Variants in LEPR observed in about 807,000 individuals in gnomAD.
LEPR encodes the protein OB receptor.
In LEPR, 56 loss-of-function variants were observed where a neutral mutation model predicts 114.7. That is an observed-to-expected ratio of 0.49 (90% CI 0.39 to 0.61). The LOEUF (loss-of-function observed/expected upper bound fraction) is 0.61. Among genes scored for constraint, LEPR ranks in the 20% least tolerant of loss-of-function variants. The pLI is 0.00. For missense variants in LEPR, 1,202 were observed against 1,352.9 expected, an observed-to-expected ratio of 0.89 and a Z score of 1.75; for synonymous variants, 443 against 461.4, an observed-to-expected ratio of 0.96 and a Z score of 0.51.
chr1:65,420,882 C>A (rs1646232901), intron 1 of LEPR, 142 bp downstream of exon 1: 8 of 1,082,178 alleles, frequency 7.4e-6, no homozygotes, highest in Non-Finnish European at 1.1e-5. Context: ...AGGCGATCGA[C>A]CGCTCCCTTC....
chr1:65,522,606 G>A (rs1339555859), intron 2 of LEPR, among the ~76,000 whole-genome samples: 1 of 152,104 alleles, frequency 6.6e-6, no homozygotes, highest in Non-Finnish European at 1.5e-5. Context: ...AAGAAGTGGC[G>A]TATCAATATT....
At chr1:65,552,299 A>G (rs1453167530) in intron 2 of LEPR, among the ~76,000 whole-genome samples, 1 of 152,194 alleles carries the variant, frequency 6.6e-6, no homozygotes, top group Non-Finnish European at 1.5e-5. Flanking sequence ...TAACATTGAC[A>G]GTGGGGTGCT....
intron 2 of LEPR, among the ~76,000 whole-genome samples, chr1:65,557,907 G>A (rs1368363894): frequency 2.0e-5 from 3 of 152,068 alleles, no homozygotes; most frequent in Admixed American, 6.6e-5. Context: ...CTGATTCCAC[G>A]AATCCAAACC....
rs150025527 is a variant in LEPR at position 65,582,531 on chromosome 1, A to G, written c.494+10082A>G. 2.0e-4 allele frequency among the ~76,000 whole-genome samples: 30 copies of G among 152,320 alleles called. No individual in the cohort carries two copies. In the East Asian group the frequency reaches 4.8e-3, roughly 24 times the overall value. ...CAGCTGGCTTTCCTGAGAGTGAGCC[A>G]GAGAGACTCACTGATGATCTTGCTT... On this transcript the variant is annotated intron_variant, in intron 5 of 19. Transcript: ENST00000349533.
intron 2 of LEPR, chr1:65,429,734 A>C: frequency 1.3e-6 from 1 of 775,156 alleles, no homozygotes; most frequent in Non-Finnish European, 1.9e-6. Context: ...ATGTTCTAAT[A>C]TTCACAATTA....
At chr1:65,450,811 C>T (rs1389244334) in intron 2 of LEPR, among the ~76,000 whole-genome samples, 4 of 152,026 alleles carry the variant, frequency 2.6e-5, no homozygotes, top group African/African-American at 9.6e-5. Context: ...ATGGCTGGGT[C>T]AAATGATATT....
At chr1:65,434,278 A>G (rs1241062890) in intron 2 of LEPR, 2 of 983,492 alleles carry the variant, frequency 2.0e-6, no homozygotes, top group Admixed American at 6.1e-5. Flanking sequence ...AAGTTTGATC[A>G]TGGTGACACA....
intron 11 of LEPR, among the ~76,000 whole-genome samples, chr1:65,606,378 C>T (rs529543365): frequency 7.2e-5 from 11 of 152,162 alleles, no homozygotes; most frequent in Admixed American, 7.2e-4. Flanking sequence ...ACTTGAATAA[C>T]CTATGGTGTT....
intron 2 of LEPR, among the ~76,000 whole-genome samples, chr1:65,488,567 G>A (rs147406470): frequency 3.3e-5 from 5 of 151,344 alleles, no homozygotes; most frequent in East Asian, 1.9e-4. Flanking sequence ...GAGCTCAAGC[G>A]GTCTGCTTGC....
At chr1:65,573,181 G>A (rs1227564870) in intron 5 of LEPR, among the ~76,000 whole-genome samples, 2 of 152,194 alleles carry the variant, frequency 1.3e-5, no homozygotes, top group Non-Finnish European at 2.9e-5. Flanking sequence ...CCCATGTTAT[G>A]GCTACATGGC....
At chr1:65,504,442 T>A (rs1258891287) in intron 2 of LEPR, among the ~76,000 whole-genome samples, 25 of 152,224 alleles carry the variant, frequency 1.6e-4, no homozygotes, top group Admixed American at 1.4e-3. Flanking sequence ...ATGTTGATAG[T>A]ATGTACTCTT....
At chr1:65,575,414 C>T (rs1314363678) in intron 5 of LEPR, among the ~76,000 whole-genome samples, 1 of 151,106 alleles carries the variant, frequency 6.6e-6, no homozygotes, top group Non-Finnish European at 1.5e-5. Flanking sequence ...CTACAACTTC[C>T]TTATAACTTC....
In LEPR at chr1:65,564,565, C is replaced by G. The variant is rs1451182613; in HGVS notation, c.-20-981C>G. Among the ~76,000 whole-genome samples the G allele has an allele frequency of 2.2e-5, 2 of 91,796 alleles. 1 individual carries two copies. The highest frequency in any genetic ancestry group is 9.0e-5 in the African/African-American group (2 of 22,264). The allele number at this position is 91,796 out of a possible 152,430, so 60.2% of individuals were successfully genotyped here. The stretch of plus-strand genomic sequence containing the variant: ...ACCGGAGCTGTTCCTATTCGGCCAT[C>G]TTGGCTCCTCCGTGAATCCGTTTCT... On this transcript the variant is annotated intron_variant, in intron 2 of 19. Coordinates refer to ENST00000349533, the MANE Select transcript of LEPR (RefSeq NM_002303.6).
At position 65,598,689 on chromosome 1, in the gene LEPR, G is replaced by C; in HGVS notation, c.879G>C (p.Leu293=). The C allele has an allele frequency of 6.2e-7, 1 of 1,613,398 alleles. No homozygotes were observed. The highest frequency in any genetic ancestry group is 8.5e-7 in the Non-Finnish European group (1 of 1,179,638). The stretch of plus-strand genomic sequence containing the variant: ...ACAAGATTGTCTCAGCTACATCCCT[G>C]CTAGTAGACAGTATACTTCCTGGGT... ...EADKIVSATS[L]LVDSILPGSS... is the part of the protein sequence containing the mutation. The change falls in exon 8 of 20, where the codon CTG becomes CTC. Residue 293 remains leucine, a synonymous_variant. Coordinates refer to ENST00000349533, the MANE Select transcript of LEPR (RefSeq NM_002303.6).
chr1:65,472,163 A>G (rs1647092187), intron 2 of LEPR, among the ~76,000 whole-genome samples: 1 of 152,082 alleles, frequency 6.6e-6, no homozygotes, highest in South Asian at 2.1e-4. Flanking sequence ...AACATCATGT[A>G]TCTAGAAGGT....
intron 3 of LEPR, among the ~76,000 whole-genome samples, chr1:65,566,256 G>A (rs72681384): frequency 0.22 from 31,710 of 142,064 alleles, 3,662 homozygotes; most frequent in South Asian, 0.29. Context: ...AGACTGGAGT[G>A]CAGTGGCATG....
intron 2 of LEPR, among the ~76,000 whole-genome samples, chr1:65,512,133 T>G (rs927130068): frequency 2.0e-5 from 3 of 152,002 alleles, no homozygotes; most frequent in African/African-American, 7.3e-5. Flanking sequence ...TTGTGAGAAC[T>G]CACTCATTAC....
chr1:65,543,147 C>T (rs1295335696), intron 2 of LEPR, among the ~76,000 whole-genome samples: 5 of 151,920 alleles, frequency 3.3e-5, no homozygotes, highest in East Asian at 3.8e-4. Context: ...TTTTAATGAT[C>T]GCCATTCTAA....
chr1:65,590,454 G>A (rs1476538463), intron 5 of LEPR, among the ~76,000 whole-genome samples: 2 of 151,128 alleles, frequency 1.3e-5, no homozygotes, highest in African/African-American at 4.9e-5. Flanking sequence ...AGGTAATCAT[G>A]GGGGTGGTTA....
Sources: gnomAD v4.1 joint callset for allele counts (sites outside exome capture counted in the v4.1 genomes callset) on GRCh38, gnomAD v4.1.1 for gene constraint, MANE v1.5 for transcripts, NCBI Gene and HGNC (gene_info 2026-07-23, HGNC 2026-07-21) for gene names.